Variants in SUCLA2 observed in about 807,000 individuals in gnomAD.
The protein encoded by SUCLA2 is succinate-CoA ligase ADP-forming subunit beta.
SUCLA2 carries 30 observed loss-of-function variants against 54.8 expected under a neutral mutation model. That is an observed-to-expected ratio of 0.55 (90% CI 0.41 to 0.74). The LOEUF (loss-of-function observed/expected upper bound fraction) is 0.74. Among genes scored for constraint, SUCLA2 ranks in the 30% least tolerant of loss-of-function variants. The probability of loss-of-function intolerance (pLI) is 0.00; values close to 1 mark genes in which losing one functional copy is unlikely to be tolerated. For synonymous variants in SUCLA2, 172 were observed against 188.9 expected, an observed-to-expected ratio of 0.91 and a Z score of 0.74; for missense variants, 476 against 562.9, an observed-to-expected ratio of 0.85 and a Z score of 1.56.
chr13:47,944,765 T>C (rs1227827833), intron 10 of SUCLA2, among the ~76,000 whole-genome samples: 1 of 152,200 alleles, frequency 6.6e-6, no homozygotes, highest in African/African-American at 2.4e-5. Flanking sequence ...TAGTAAGTAC[T>C]TTCCCAAAGA....
intron 2 of SUCLA2, among the ~76,000 whole-genome samples, chr13:47,990,789 C>T (rs1460998213): frequency 6.6e-6 from 1 of 152,120 alleles, no homozygotes; most frequent in African/African-American, 2.4e-5. Flanking sequence ...ATCAGATGAA[C>T]CAACCAAATC....
intron 4 of SUCLA2, among the ~76,000 whole-genome samples, chr13:47,987,315 T>C (rs1299606843): frequency 1.3e-5 from 2 of 152,160 alleles, no homozygotes; most frequent in African/African-American, 4.8e-5. Context: ...ATACCTTGTT[T>C]CTGGCTACTG....
At chr13:47,984,664 T>C (rs1005290473) in intron 4 of SUCLA2, among the ~76,000 whole-genome samples, 4 of 152,082 alleles carry the variant, frequency 2.6e-5, no homozygotes, top group African/African-American at 4.8e-5. Flanking sequence ...TAATCCCAGC[T>C]ACTTGGAAGG....
In SUCLA2 at chr13:47,969,047, G is replaced by GA. The variant is rs1949940817; in HGVS notation, c.664-315dup. On this transcript the variant is annotated intron_variant, in intron 5 of 10. Transcript: ENST00000646932. ...CTAAGCTTTACTGCCAACCTAAGCT[G>GA]AAAGAAGAGGTTTATATTTTATTAA... 2.0e-5 allele frequency among the ~76,000 whole-genome samples: 3 copies of GA among 152,298 alleles called. No individual in the cohort carries two copies. In the South Asian group the frequency reaches 6.2e-4, roughly 32 times the overall value.
intron 6 of SUCLA2, among the ~76,000 whole-genome samples, chr13:47,965,882 A>G (rs1949914269): frequency 6.6e-6 from 1 of 152,182 alleles, no homozygotes; most frequent in African/African-American, 2.4e-5. Context: ...CCCCATCTCT[A>G]CTAAAAATAC....
intron 6 of SUCLA2, among the ~76,000 whole-genome samples, chr13:47,964,986 A>T (rs1444538417): frequency 2.7e-3 from 33 of 12,418 alleles, no homozygotes; most frequent in African/African-American, 4.7e-3. Context: ...ATTTATTTAA[A>T]AAAAAAAAAA....
intron 6 of SUCLA2, among the ~76,000 whole-genome samples, chr13:47,958,683 A>AT (rs1949841509): frequency 6.6e-6 from 1 of 152,200 alleles, no homozygotes; most frequent in Non-Finnish European, 1.5e-5. Flanking sequence ...CTTTGTGCAA[A>AT]TTTTTTGAAA....
At chr13:47,960,599 G>A (rs1949862816) in intron 6 of SUCLA2, among the ~76,000 whole-genome samples, 1 of 151,940 alleles carries the variant, frequency 6.6e-6, no homozygotes, top group African/African-American at 2.4e-5. Flanking sequence ...AGAAAAGACG[G>A]GCCCTGTCAT....
At chr13:47,947,181 G>T (rs947151811) in intron 10 of SUCLA2, among the ~76,000 whole-genome samples, 1 of 151,936 alleles carries the variant, frequency 6.6e-6, no homozygotes, top group Non-Finnish European at 1.5e-5. Context: ...CAACTTACAT[G>T]AACTGAACTA....
At chr13:47,963,658 A>AAAC (rs1949891390) in intron 6 of SUCLA2, among the ~76,000 whole-genome samples, 2 of 704 alleles carry the variant, frequency 2.8e-3, no homozygotes, top group South Asian at 0.011. Context: ...ACAAACAAAC[A>AAAC]AAAAAAAAAA....
At chr13:47,946,902 G>A (rs1485859560) in intron 10 of SUCLA2, among the ~76,000 whole-genome samples, 4 of 152,074 alleles carry the variant, frequency 2.6e-5, no homozygotes, top group Non-Finnish European at 4.4e-5. Flanking sequence ...ATATCAGTAT[G>A]AACTCAAGTA....
At chr13:47,950,348 T>G (rs1332420342) in intron 8 of SUCLA2, among the ~76,000 whole-genome samples, 1 of 152,208 alleles carries the variant, frequency 6.6e-6, no homozygotes, top group Non-Finnish European at 1.5e-5. Flanking sequence ...AGCTTCTGTT[T>G]CTAAGTCCCT....
chr13:47,968,418 A>G (rs1949935966), intron 6 of SUCLA2, among the ~76,000 whole-genome samples, 177 bp downstream of exon 6: 2 of 152,116 alleles, frequency 1.3e-5, no homozygotes, highest in African/African-American at 2.4e-5. Flanking sequence ...TGGGTCTAAT[A>G]GTGTTTTGTT....
chr13:47,955,635 A>G (rs998302663), intron 6 of SUCLA2, among the ~76,000 whole-genome samples: 2 of 152,086 alleles, frequency 1.3e-5, no homozygotes, highest in Admixed American at 1.3e-4. Context: ...GTGATCCATA[A>G]AGCCTAAAAT....
chr13:47,952,255 C>A (rs992578041), intron 8 of SUCLA2, among the ~76,000 whole-genome samples: 4 of 152,146 alleles, frequency 2.6e-5, no homozygotes, highest in Admixed American at 2.6e-4. Context: ...CTGTTCTTAT[C>A]TCTGTCATTT....
intron 1 of SUCLA2, among the ~76,000 whole-genome samples, chr13:47,997,319 A>C (rs1170001200): frequency 6.6e-6 from 1 of 152,124 alleles, no homozygotes; most frequent in African/African-American, 2.4e-5. Context: ...AATTCAGCGG[A>C]TCTAAAACCA....
intron 6 of SUCLA2, among the ~76,000 whole-genome samples, chr13:47,961,264 T>G (rs1949869033): frequency 6.6e-6 from 1 of 152,220 alleles, no homozygotes. Flanking sequence ...TCTGAGTAAG[T>G]TGCAAAGAGA....
At chr13:47,972,748 CTTTT>C (rs1204256460) in intron 5 of SUCLA2, among the ~76,000 whole-genome samples, 2 of 118,664 alleles carry the variant, frequency 1.7e-5, no homozygotes, top group Non-Finnish European at 1.7e-5. Context: ...TATAGTGACT[CTTTT>C]TTTTTTTTTT....
At chr13:47,971,951 A>G in intron 5 of SUCLA2, 3 of 398,424 alleles carry the variant, frequency 7.5e-6, no homozygotes, top group Non-Finnish European at 8.9e-6. Context: ...GAGACTTATC[A>G]GTCAACAACA....
Sources: gnomAD v4.1 joint callset for allele counts (sites outside exome capture counted in the v4.1 genomes callset) on GRCh38, gnomAD v4.1.1 for gene constraint, MANE v1.5 for transcripts, NCBI Gene and HGNC (gene_info 2026-07-23, HGNC 2026-07-21) for gene names.